ARHGAP8: variants seen among roughly 807,000 people sequenced by gnomAD.
ARHGAP8 encodes the protein rho GTPase-activating protein 8.
In ARHGAP8, 62 loss-of-function variants were observed where a neutral mutation model predicts 46.1. The observed-to-expected ratio is 1.34, with a 90% CI of 1.10 to 1.66. The LOEUF is 1.66. Ranked by LOEUF, ARHGAP8 falls within the 40% of genes most tolerant of loss-of-function variation. The pLI, the probability that ARHGAP8 is intolerant of heterozygous loss-of-function variation, is 0.00. For missense variants in ARHGAP8, 923 were observed against 568.4 expected (o/e 1.62, Z -6.34); for synonymous variants, 375 against 243.1 (o/e 1.54, Z -5.05).
intron 1 of ARHGAP8, among the ~76,000 whole-genome samples, chr22:44,757,105 G>T (rs958088341): frequency 6.6e-6 from 1 of 151,800 alleles, no homozygotes; most frequent in African/African-American, 2.4e-5. Flanking sequence ...TTGTAGAGAC[G>T]AGGTCTTGCT....
rs538140044 is a variant in ARHGAP8, at chr22:44,767,444, G to A, written c.-72+14817G>A. On this transcript the variant is annotated intron_variant, in intron 1 of 11. Coordinates refer to ENST00000356099, the MANE Select transcript of ARHGAP8 (RefSeq NM_181335.3). The stretch of plus-strand genomic sequence containing the variant: ...CTCCTGAACAGAAAGATATTCTCCC[G>A]TATAGCCTGATACCATTATCACACT... 2.4e-4 allele frequency among the ~76,000 whole-genome samples: 36 copies of A among 152,040 alleles called. No individual in the cohort carries two copies. The South Asian group carries it at 4.8e-3, about 20-fold the overall frequency.
intron 1 of ARHGAP8, chr22:44,766,286 G>A (rs919925884): frequency 6.5e-6 from 1 of 152,912 alleles, no homozygotes; most frequent in Admixed American, 6.5e-5. Context: ...TGCGTCCCTG[G>A]AGGGTGCTCT....
rs553767135 is a variant in ARHGAP8 at position 44,835,109 on chromosome 22, A to T, written c.596+9516A>T. Among the ~76,000 whole-genome samples the T allele has an allele frequency of 1.1e-4, 16 of 152,090 alleles. No individual in the cohort carries two copies. The East Asian group carries it at 2.9e-3, about 27-fold the overall frequency. On this transcript the variant is annotated intron_variant, in intron 7 of 11. Coordinates refer to ENST00000356099, the MANE Select transcript of ARHGAP8 (RefSeq NM_181335.3). ...CATTTAGTGTGATTACTGGAGTTAC[A>T]TCTGCCATTTTGCTATTTGTTTTCT...
chr22:44,803,133 A>C (rs1206251864), intron 3 of ARHGAP8, among the ~76,000 whole-genome samples: 3 of 152,178 alleles, frequency 2.0e-5, no homozygotes, highest in Non-Finnish European at 4.4e-5. Context: ...TTGGGGTGGG[A>C]GAACTAAGGC....
chr22:44,777,998 T>TTTTATTTATTTA (rs59802896), intron 1 of ARHGAP8, among the ~76,000 whole-genome samples: 13 of 143,786 alleles, frequency 9.0e-5, no homozygotes, highest in East Asian at 4.1e-4. Flanking sequence ...GCCTGGACTA[T>TTTTATTTATTTA]TTTATTTATT....
chr22:44,804,654 A>G (rs1275692019), intron 3 of ARHGAP8, among the ~76,000 whole-genome samples: 2 of 151,460 alleles, frequency 1.3e-5, no homozygotes, highest in African/African-American at 4.9e-5. Flanking sequence ...CCACTTCCAG[A>G]TGCCAGCATC....
In ARHGAP8 at chr22:44,822,485, A is replaced by G. The variant is rs775840814; in HGVS notation, c.485+16A>G. ...AAGTTTTGCGGTAAGTGCCTGTTAG[A>G]CCCCAGAAGCCGCATCAATACATCT... On this transcript the variant is annotated intron_variant, in intron 6 of 11. Coordinates refer to ENST00000356099, the MANE Select transcript of ARHGAP8 (RefSeq NM_181335.3). The G allele has an allele frequency of 6.6e-7, 1 of 1,525,214 alleles. No homozygotes were observed. Among genetic ancestry groups the G allele is most frequent in the Non-Finnish European group, 8.7e-7 (1 of 1,145,202 alleles). The allele number at this position is 1,525,214 out of a possible 1,614,324, so 94.5% of individuals were successfully genotyped here.
intron 1 of ARHGAP8, among the ~76,000 whole-genome samples, chr22:44,758,627 G>A (rs190997905): frequency 2.2e-4 from 33 of 151,616 alleles, no homozygotes; most frequent in Admixed American, 9.9e-4. Context: ...GGGGAGGGGG[G>A]GAACATAGCG....
At chr22:44,790,557 T>C (rs948751179) in intron 2 of ARHGAP8, among the ~76,000 whole-genome samples, 2 of 149,970 alleles carry the variant, frequency 1.3e-5, no homozygotes, top group Middle Eastern at 3.2e-3. Context: ...ATATCTGTAA[T>C]CCCAGCTACT....
Position 44,862,530 on chromosome 22 carries a change from G to A in ARHGAP8, c.1237G>A (p.Ala413Thr), listed in dbSNP as rs777170122. 1 of 1,610,532 alleles carries A rather than the reference G, an allele frequency of 6.2e-7. No individual in the cohort carries two copies. Among genetic ancestry groups the A allele is most frequent in the Admixed American group, 1.7e-5 (1 of 59,936 alleles). Residue 413 changes from alanine (A) to threonine (T), a missense_variant, in exon 12 of 12, where the codon GCC (alanine) becomes ACC (threonine). Ala to Thr is a moderately conservative substitution (Grantham distance 58). Transcript: ENST00000356099. ...PLQEAVPRTQ[A>T]TGLTKPTLPP... Reference sequence around the variant, plus strand: ...GCAGGAGGCTGTGCCACGGACACAAGCCACGGGCCTCACCAAGCCTACCCT... The same window carrying A: ...GCAGGAGGCTGTGCCACGGACACAAACCACGGGCCTCACCAAGCCTACCCT...
intron 10 of ARHGAP8, among the ~76,000 whole-genome samples, chr22:44,851,779 C>T (rs2070100394): frequency 1.3e-5 from 2 of 151,832 alleles, no homozygotes; most frequent in Non-Finnish European, 2.9e-5. Context: ...TTGGAGGCTA[C>T]AGTGAGCCAT....
chr22:44,791,421 T>C (rs2147058912), intron 2 of ARHGAP8, among the ~76,000 whole-genome samples: 1 of 152,182 alleles, frequency 6.6e-6, no homozygotes, highest in Non-Finnish European at 1.5e-5. Context: ...AAACCCAGCT[T>C]CGCCGGGCGC....
chr22:44,845,791 C>G (rs79957516), intron 8 of ARHGAP8, among the ~76,000 whole-genome samples: 4,448 of 152,200 alleles, frequency 0.029, 198 homozygotes, highest in African/African-American at 0.094. Context: ...GTGGGGTGAG[C>G]CTTGTGGGCT....
At chr22:44,838,744 C>T (rs948626863) in intron 7 of ARHGAP8, among the ~76,000 whole-genome samples, 5 of 152,200 alleles carry the variant, frequency 3.3e-5, no homozygotes, top group Admixed American at 1.3e-4. Context: ...GATGCAGGCT[C>T]TCCAGCTGCG....
chr22:44,860,019 A>T (rs5845678), intron 11 of ARHGAP8, among the ~76,000 whole-genome samples, 185 bp downstream of exon 11: 1 of 39,186 alleles, frequency 2.6e-5, no homozygotes, highest in South Asian at 8.6e-4. Flanking sequence ...GCTGCTGCGG[A>T]CCTCCTGCCT....
intron 10 of ARHGAP8, among the ~76,000 whole-genome samples, chr22:44,855,222 A>G (rs535842732): frequency 6.6e-5 from 10 of 151,942 alleles, no homozygotes; most frequent in African/African-American, 2.4e-4. Context: ...AGAAAAAAAG[A>G]ATTTTTTTTT....
chr22:44,828,509 G>A (rs922023841), intron 7 of ARHGAP8, among the ~76,000 whole-genome samples: 3 of 150,858 alleles, frequency 2.0e-5, no homozygotes, highest in Admixed American at 6.6e-5. Context: ...GAGTGCAGTG[G>A]CAGGATCTCG....
chr22:44,812,513 C>T (rs1169853497), intron 4 of ARHGAP8, among the ~76,000 whole-genome samples: 3 of 151,874 alleles, frequency 2.0e-5, no homozygotes, highest in Non-Finnish European at 2.9e-5. Flanking sequence ...TGCACTACCA[C>T]GCCCGGCTAA....
intron 7 of ARHGAP8, among the ~76,000 whole-genome samples, chr22:44,838,819 T>C (rs1931461064): frequency 6.6e-6 from 1 of 152,242 alleles, no homozygotes; most frequent in South Asian, 2.1e-4. Flanking sequence ...GGACCACCTG[T>C]GTGCAGCCTG....
Sources: allele counts gnomAD v4.1 joint callset (sites outside exome capture counted in the v4.1 genomes callset), GRCh38; gene constraint gnomAD v4.1.1; transcripts MANE v1.5; gene names NCBI Gene and HGNC (gene_info 2026-07-23, HGNC 2026-07-21).